The following GALNT14 variants were observed in gnomAD, a reference collection of about 807,000 sequenced individuals.
GALNT14 encodes the protein polypeptide N-acetylgalactosaminyltransferase 14, also known as UDP-GalNAc:polypeptide N-acetylgalactosaminyltransferase 14.
In GALNT14, 60 loss-of-function variants were observed where a neutral mutation model predicts 77.5. That is an observed-to-expected ratio of 0.77 (90% CI 0.63 to 0.96). GALNT14 has a LOEUF of 0.96. Among genes scored for constraint, GALNT14 ranks in the 40% least tolerant of loss-of-function variants. The probability of loss-of-function intolerance (pLI) is 0.00; values close to 1 mark genes in which losing one functional copy is unlikely to be tolerated. For synonymous variants in GALNT14, 280 were observed against 281.7 expected, an observed-to-expected ratio of 0.99 and a Z score of 0.06; for missense variants, 710 against 731.0, an observed-to-expected ratio of 0.97 and a Z score of 0.33.
chr2:30,949,615 C>G (rs955969889), intron 6 of GALNT14, among the ~76,000 whole-genome samples: 2 of 152,194 alleles, frequency 1.3e-5, no homozygotes, highest in Non-Finnish European at 2.9e-5. Context: ...TGCATCAGCC[C>G]GTGGCCATCT....
At chr2:31,038,072 A>ATC (rs2148493086) in intron 1 of GALNT14, among the ~76,000 whole-genome samples, 1 of 76,158 alleles carries the variant, frequency 1.3e-5, no homozygotes, top group East Asian at 4.3e-4. Flanking sequence ...TGCCATATAT[A>ATC]TATATATATA....
intron 2 of GALNT14, among the ~76,000 whole-genome samples, chr2:30,972,495 A>G (rs1668419429): frequency 6.6e-6 from 1 of 152,230 alleles, no homozygotes; most frequent in African/African-American, 2.4e-5. Flanking sequence ...AGCACCTCAC[A>G]TATTTACTGC....
At chr2:30,909,044 A>G (rs1163185964), downstream of GALNT14, among the ~76,000 whole-genome samples, 1 of 152,098 alleles carries the variant, frequency 6.6e-6, no homozygotes, top group Non-Finnish European at 1.5e-5. Flanking sequence ...CTTACACCTT[A>G]TACAAAATTC....
At chr2:31,047,663 C>T (rs1673553635) in intron 1 of GALNT14, among the ~76,000 whole-genome samples, 3 of 152,162 alleles carry the variant, frequency 2.0e-5, no homozygotes, top group African/African-American at 2.4e-5. Flanking sequence ...GAGGTGCACT[C>T]GAGCAAGGGT....
intron 12 of GALNT14, 106 bp downstream of exon 12, chr2:30,924,634 A>G: frequency 1.1e-6 from 1 of 896,400 alleles, no homozygotes; most frequent in Middle Eastern, 2.2e-4. Flanking sequence ...TCTGATATAC[A>G]TAAAAGCCCT....
intron 1 of GALNT14, among the ~76,000 whole-genome samples, chr2:31,026,524 G>A (rs564819423): frequency 5.6e-4 from 86 of 152,252 alleles, no homozygotes; most frequent in African/African-American, 2.0e-3. Flanking sequence ...GCCCTCAGTC[G>A]GGGTGACGCC....
At chr2:31,122,323 G>A (rs1345430083) in intron 1 of GALNT14, among the ~76,000 whole-genome samples, 1 of 152,216 alleles carries the variant, frequency 6.6e-6, no homozygotes, top group Admixed American at 6.5e-5. Flanking sequence ...CTGGCATGGA[G>A]GAAGCCTCCA....
intron 1 of GALNT14, among the ~76,000 whole-genome samples, chr2:31,049,369 G>A (rs1179144189): frequency 2.0e-5 from 3 of 152,198 alleles, no homozygotes; most frequent in Non-Finnish European, 4.4e-5. Flanking sequence ...CCAAAGTCCA[G>A]TCCAGTGTTC....
intron 1 of GALNT14, among the ~76,000 whole-genome samples, chr2:31,053,629 C>T (rs1323035701): frequency 2.0e-5 from 3 of 152,126 alleles, no homozygotes; most frequent in East Asian, 3.9e-4. Flanking sequence ...CATTTTTTAG[C>T]CTGAATCCCA....
At chr2:31,050,022 G>T (rs1673740047) in intron 1 of GALNT14, among the ~76,000 whole-genome samples, 1 of 152,118 alleles carries the variant, frequency 6.6e-6, no homozygotes, top group East Asian at 1.9e-4. Context: ...GGGACGTGTG[G>T]GTTCCCAGAT....
In GALNT14 at chr2:30,989,611, A is replaced by AATATATATTAGTATATATAAAAAT. The variant is rs1573104143; in HGVS notation, c.299+3203_299+3226dup. Among the ~76,000 whole-genome samples the AATATATATTAGTATATATAAAAAT allele has an allele frequency of 3.4e-5, 4 of 119,334 alleles. No individual in the cohort carries two copies. The East Asian group carries it at 8.0e-4, about 24-fold the overall frequency. 78.3% of individuals were successfully genotyped at this position (119,334 alleles called of 152,430 possible). On this transcript the variant is annotated intron_variant, in intron 2 of 14. Transcript: ENST00000349752. Reference sequence around the variant, plus strand: ...ATATATATATTAGTAGATATATAAAAATATATATTAGTATATATAAAAATA... The same window carrying AATATATATTAGTATATATAAAAAT: ...ATATATATATTAGTAGATATATAAAAATATATATTAGTATATATAAAAATATATATATTAGTATATATAAAAATA...
At chr2:31,054,737 A>G (rs954288001) in intron 1 of GALNT14, among the ~76,000 whole-genome samples, 2 of 152,212 alleles carry the variant, frequency 1.3e-5, no homozygotes, top group Non-Finnish European at 2.9e-5. Flanking sequence ...GAGAAACAAA[A>G]TGTCACATTT....
intron 9 of GALNT14, among the ~76,000 whole-genome samples, chr2:30,939,223 T>C (rs1308877196): frequency 6.6e-6 from 1 of 152,058 alleles, no homozygotes. Flanking sequence ...AGTGCAGTGA[T>C]GAAGAGAACC....
At chr2:30,975,742 T>C (rs748023843) in intron 2 of GALNT14, among the ~76,000 whole-genome samples, 2 of 152,248 alleles carry the variant, frequency 1.3e-5, no homozygotes, top group Non-Finnish European at 2.9e-5. Flanking sequence ...TAATGGTTTC[T>C]AGGTCTTGGT....
At chr2:30,913,350 G>A (rs1202326998) in intron 13 of GALNT14, among the ~76,000 whole-genome samples, 1 of 152,120 alleles carries the variant, frequency 6.6e-6, no homozygotes, top group African/African-American at 2.4e-5. Flanking sequence ...AGTTGACCCT[G>A]AGCCTCTGGA....
chr2:30,991,265 T>C (rs1178247387), intron 2 of GALNT14: 3 of 151,956 alleles, frequency 2.0e-5, no homozygotes, highest in African/African-American at 7.3e-5. Context: ...AAGAAAGCCC[T>C]GGCCTCTGGA....
At chr2:30,957,908 A>G (rs1667463949) in intron 4 of GALNT14, among the ~76,000 whole-genome samples, 1 of 152,200 alleles carries the variant, frequency 6.6e-6, no homozygotes, top group Non-Finnish European at 1.5e-5. Context: ...ATTACTGTAC[A>G]TTTCAAATTT....
At chr2:30,901,451 A>G in the GALNT14 span, among the ~76,000 whole-genome samples, 1 of 151,766 alleles carries the variant, frequency 6.6e-6, no homozygotes, top group African/African-American at 2.4e-5. Context: ...CACACACAAC[A>G]TATATATATG....
Position 31,101,822 on chromosome 2 carries a change from C to G in GALNT14, c.129+36136G>C, listed in dbSNP as rs1306030080. 2.6e-5 allele frequency among the ~76,000 whole-genome samples: 4 copies of G among 151,974 alleles called. No individual in the cohort carries two copies. In the South Asian group the frequency reaches 6.2e-4, roughly 24 times the overall value. On this transcript the variant is annotated intron_variant, in intron 1 of 14. Coordinates refer to ENST00000349752, the MANE Select transcript of GALNT14 (RefSeq NM_024572.4). Reference sequence around the variant, plus strand: ...AATCCCCACACATTGTGGGAGGGACCAAGTGGAGATAATTGAGTCATAGTG... The same window carrying G: ...AATCCCCACACATTGTGGGAGGGACGAAGTGGAGATAATTGAGTCATAGTG...
Sources: gnomAD v4.1 joint callset for allele counts (sites outside exome capture counted in the v4.1 genomes callset) on GRCh38, gnomAD v4.1.1 for gene constraint, MANE v1.5 for transcripts, NCBI Gene and HGNC (gene_info 2026-07-23, HGNC 2026-07-21) for gene names.